The following PATJ variants were observed in gnomAD, a reference collection of about 807,000 sequenced individuals.
PATJ encodes the protein inaD-like protein.
Under a neutral mutation model 224.9 loss-of-function variants are expected in PATJ, and 190 were observed. That is an observed-to-expected ratio of 0.84 (90% CI 0.75 to 0.95). The LOEUF is 0.95. Ranked by LOEUF, PATJ falls within the 40% of genes least tolerant of loss-of-function variation. The pLI is 0.00. For missense variants in PATJ, 2,121 were observed against 2,270.3 expected (o/e 0.93, Z 1.34); for synonymous variants, 769 against 820.3 (o/e 0.94, Z 1.07).
intron 7 of PATJ, among the ~76,000 whole-genome samples, chr1:61,777,667 G>C (rs1308421183): frequency 7.0e-6 from 1 of 143,004 alleles, no homozygotes; most frequent in South Asian, 2.2e-4. Context: ...ACTGTGAATG[G>C]ATATTCTATT....
chr1:61,882,304 C>T (rs4540685), intron 21 of PATJ, among the ~76,000 whole-genome samples: 136,459 of 152,198 alleles, frequency 0.9, 61,278 homozygotes, highest in Admixed American at 0.92. Flanking sequence ...TAAGCCAGCC[C>T]TGTGTGAAAA....
chr1:61,894,265 A>AC lies in PATJ; in HGVS notation c.3132-5318_3132-5317insC, dbSNP rs1553194649. 8.4e-3 allele frequency among the ~76,000 whole-genome samples: 1,097 copies of AC among 131,354 alleles called. 11 individuals are homozygous for AC. The highest frequency in any genetic ancestry group is 0.029 in the African/African-American group (1,017 of 35,460). 86.2% of individuals were successfully genotyped at this position (131,354 alleles called of 152,430 possible). A position where few individuals can be genotyped will look rare whatever the true frequency, so the allele number is the denominator to read the frequency against. On this transcript the variant is annotated intron_variant, in intron 22 of 43. Transcript: ENST00000642238. ...GCGAAACTCTATCTCATAAAAAAAAAAAAACACAAAAAAAAAACAGAGAAT... is the reference window on the plus strand; with the variant it reads ...GCGAAACTCTATCTCATAAAAAAAAACAAAACACAAAAAAAAAACAGAGAAT...
At chr1:61,801,916 A>G (rs890551840) in intron 12 of PATJ, 147 bp downstream of exon 12, 9 of 494,178 alleles carry the variant, frequency 1.8e-5, no homozygotes, top group Non-Finnish European at 3.1e-5. Context: ...TTTTTTTGAG[A>G]CAGAGTTTCT....
At chr1:62,081,731 C>CT (rs1382781686) in intron 32 of PATJ, among the ~76,000 whole-genome samples, 1 of 151,992 alleles carries the variant, frequency 6.6e-6, no homozygotes, top group Non-Finnish European at 1.5e-5. Flanking sequence ...CCATGCCTGG[C>CT]TAATTTTGTA....
chr1:61,905,306 G>A (rs1671710860), intron 24 of PATJ, among the ~76,000 whole-genome samples: 1 of 152,126 alleles, frequency 6.6e-6, no homozygotes, highest in Non-Finnish European at 1.5e-5. Flanking sequence ...TCTTTTATAA[G>A]GCCACTAATC....
At chr1:62,026,786 G>A (rs1365907911) in intron 29 of PATJ, among the ~76,000 whole-genome samples, 1 of 151,992 alleles carries the variant, frequency 6.6e-6, no homozygotes, top group African/African-American at 2.4e-5. Flanking sequence ...TTCTTTTCTT[G>A]CTCAGGTAAT....
intron 24 of PATJ, among the ~76,000 whole-genome samples, chr1:61,903,515 A>G (rs1394000435): frequency 6.6e-6 from 1 of 152,146 alleles, no homozygotes; most frequent in Non-Finnish European, 1.5e-5. Context: ...AAGGAGTCCC[A>G]TATTCTTACT....
intron 14 of PATJ, among the ~76,000 whole-genome samples, chr1:61,818,877 C>T (rs921318273): frequency 3.9e-5 from 6 of 151,978 alleles, no homozygotes; most frequent in South Asian, 2.1e-4. Flanking sequence ...TGAATAGATG[C>T]GGATTGGGAG....
At chr1:61,779,651 G>A (rs2148431253) in intron 7 of PATJ, among the ~76,000 whole-genome samples, 1 of 152,294 alleles carries the variant, frequency 6.6e-6, no homozygotes, top group East Asian at 1.9e-4. Flanking sequence ...ACCCCCAGCA[G>A]ATTCCCGTAC....
Position 61,856,223 on chromosome 1 carries a change from T to C in PATJ, c.2306T>C (p.Ile769Thr). The C allele has an allele frequency of 6.2e-7, 1 of 1,613,818 alleles. No homozygotes were observed. Among genetic ancestry groups the C allele is most frequent in the Non-Finnish European group, 8.5e-7 (1 of 1,179,664 alleles). Residue 769 changes from isoleucine to threonine, a missense_variant, in exon 18 of 44, where the codon ATC becomes ACC. Physicochemically the swap from Ile to Thr is moderately conservative, Grantham distance 89. Coordinates refer to ENST00000642238, the MANE Select transcript of PATJ (RefSeq NM_001350145.3). ...CCACCAGGCCTAGTACACCTTGGCA[T>C]CTGTAAGCCTTTGGTGGTAAGTGTT... is the stretch of plus-strand genomic sequence containing the variant. The part of the protein sequence containing the change: ...AVPPGLVHLG[I>T]CKPLVEDNEE...
intron 28 of PATJ, among the ~76,000 whole-genome samples, chr1:62,009,090 C>G (rs929795577): frequency 6.6e-6 from 1 of 152,150 alleles, no homozygotes; most frequent in Non-Finnish European, 1.5e-5. Flanking sequence ...ATAATATTTT[C>G]CCAATTTCAA....
intron 30 of PATJ, among the ~76,000 whole-genome samples, chr1:62,041,297 G>A (rs116289025): frequency 0.015 from 2,331 of 152,264 alleles, 38 homozygotes; most frequent in African/African-American, 0.036. Flanking sequence ...TAGAGGGAGA[G>A]CAGAGGGTTT....
chr1:61,931,966 G>T (rs956963221), intron 27 of PATJ, among the ~76,000 whole-genome samples: 1 of 149,648 alleles, frequency 6.7e-6, no homozygotes. Flanking sequence ...TTTATAATGT[G>T]TGAATTTTAT....
At chr1:61,927,567 A>G (rs1675394145) in intron 26 of PATJ, among the ~76,000 whole-genome samples, 163 bp from the exon 27 acceptor site, 2 of 152,218 alleles carry the variant, frequency 1.3e-5, no homozygotes, top group Admixed American at 6.5e-5. Flanking sequence ...ATTATAACAT[A>G]AGCCTAAAAT....
At chr1:61,999,969 C>T (rs1490207029) in intron 28 of PATJ, among the ~76,000 whole-genome samples, 1 of 152,136 alleles carries the variant, frequency 6.6e-6, no homozygotes, top group African/African-American at 2.4e-5. Context: ...CAACCTCTGC[C>T]TCCCAGGTTC....
At chr1:61,993,526 A>G (rs1313353450) in intron 28 of PATJ, among the ~76,000 whole-genome samples, 1 of 152,140 alleles carries the variant, frequency 6.6e-6, no homozygotes, top group African/African-American at 2.4e-5. Context: ...CCTTCTGGCA[A>G]TCATCTCCCA....
At chr1:62,063,819 A>T (rs778014315) in intron 31 of PATJ, among the ~76,000 whole-genome samples, 11 of 152,138 alleles carry the variant, frequency 7.2e-5, no homozygotes, top group Non-Finnish European at 1.2e-4. Context: ...TTATTGGTGT[A>T]TAGAAATACT....
chr1:62,063,938 A>G (rs1016379429), intron 31 of PATJ, among the ~76,000 whole-genome samples: 10 of 152,172 alleles, frequency 6.6e-5, no homozygotes, highest in African/African-American at 2.4e-4. Context: ...GAATCATATC[A>G]TCAGTGAAGG....
At chr1:61,883,768 A>G (rs983542918) in intron 21 of PATJ, among the ~76,000 whole-genome samples, 36 of 150,956 alleles carry the variant, frequency 2.4e-4, no homozygotes, top group African/African-American at 8.5e-4. Flanking sequence ...AAAAAAAAAA[A>G]AAAAAAAAGA....
Sources: allele counts gnomAD v4.1 joint callset (sites outside exome capture counted in the v4.1 genomes callset), GRCh38; gene constraint gnomAD v4.1.1; transcripts MANE v1.5; gene names NCBI Gene and HGNC (gene_info 2026-07-23, HGNC 2026-07-21).